Variants in BORCS8 observed in about 807,000 individuals in gnomAD.
BORCS8 encodes the protein BLOC-1 related complex subunit 8.
A neutral mutation model predicts 18.7 loss-of-function variants in BORCS8; 13 were observed. The ratio of observed to expected loss-of-function variants is 0.70; its 90% CI spans 0.45 to 1.11. BORCS8 has a LOEUF of 1.11. Ranked by LOEUF, BORCS8 falls within the 50% of genes least tolerant of loss-of-function variation. The pLI is 0.00. For synonymous variants in BORCS8, 68 were observed against 64.8 expected, an observed-to-expected ratio of 1.05 and a Z score of -0.24; for missense variants, 165 against 165.7, an observed-to-expected ratio of 1.00 and a Z score of 0.02.
chr19:19,184,545 G>A (rs1036030176), intron 3 of BORCS8, among the ~76,000 whole-genome samples: 2 of 151,766 alleles, frequency 1.3e-5, no homozygotes, highest in Admixed American at 1.3e-4. Flanking sequence ...CTCATGATCC[G>A]CCTGCCTTGG....
rs747507127 is a variant in BORCS8, at chr19:19,185,907, C to T, written c.215+127G>A. On this transcript the variant is annotated intron_variant, in intron 3 of 5. Transcript: ENST00000462790. ...GGCCAAGTGAATCGTGGTACAGACC[C>T]CATACACCCACTCGGGTAGGCCTGG... 1.4e-4 allele frequency: 128 copies of T among 926,414 alleles called. 1 individual carries two copies. The Middle Eastern group carries it at 2.0e-3, about 14-fold the overall frequency. 57.4% of individuals were successfully genotyped at this position (926,414 alleles called of 1,614,324 possible).
In BORCS8 at chr19:19,186,053, T is replaced by C; in HGVS notation, c.196A>G (p.Thr66Ala). ...WEEQSQGAIY[T>A]VEYACSAVKN... ...GCTCACCTGCAGGCGTACTCCACAGTGTAGATGGCTCCCTGGCTCTGCTCC... is the reference window on the plus strand; with the variant it reads ...GCTCACCTGCAGGCGTACTCCACAGCGTAGATGGCTCCCTGGCTCTGCTCC... The change falls in exon 3 of 6, where the codon ACT (threonine) becomes GCT (alanine). Residue 66 changes from threonine to alanine, a missense_variant. By Grantham distance (58) the Thr-to-Ala change is moderately conservative. Transcript: ENST00000462790. 6.4e-7 allele frequency: 1 copy of C among 1,551,222 alleles called. No homozygotes were observed. The highest frequency in any genetic ancestry group is 8.7e-7 in the Non-Finnish European group (1 of 1,146,976).
rs2060304665 is a variant in BORCS8 at position 19,177,677 on chromosome 19, G to GGAA, written c.*43-218_*43-217insTTC. 3.4e-5 allele frequency: 3 copies of GGAA among 87,090 alleles called. No homozygotes were observed. In the Admixed American group the frequency reaches 4.4e-4, roughly 13 times the overall value. 5.4% of individuals were successfully genotyped at this position (87,090 alleles called of 1,614,324 possible). A position where few individuals can be genotyped will look rare whatever the true frequency, so the allele number is the denominator to read the frequency against. On this transcript the variant is annotated intron_variant, in intron 5 of 5. Coordinates refer to ENST00000462790, the MANE Select transcript of BORCS8 (RefSeq NM_001145784.2). ...GGAAGGAAGGAAGGAAGGAAGGAAG[G>GGAA]AAGGAAGGAAGGAAGGAAGAGAAAA...
At position 19,192,091 on chromosome 19, in the gene BORCS8, C is replaced by T. The variant is rs886447363; in HGVS notation, c.27G>A (p.Lys9=). 5 of 1,551,358 alleles carry T rather than the reference C, an allele frequency of 3.2e-6. No homozygotes were observed. The Admixed American group carries it at 5.9e-5, about 18-fold the overall frequency. The change falls in exon 1 of 6, where the codon AAG becomes AAA. Residue 9 remains lysine (K), a synonymous_variant. Coordinates refer to ENST00000462790, the MANE Select transcript of BORCS8 (RefSeq NM_001145784.2). The part of the protein sequence containing the change: MEEPEMQL[K]GKKVTDKFTE... The stretch of plus-strand genomic sequence containing the variant: ...GCAGGCCCGCACCACCTTTCTTCCC[C>T]TTGAGCTGCATCTCCGGCTCCTCCA...
At chr19:19,183,625 C>A (rs1037754964) in intron 3 of BORCS8, among the ~76,000 whole-genome samples, 1 of 150,418 alleles carries the variant, frequency 6.6e-6, no homozygotes, top group Non-Finnish European at 1.5e-5. Flanking sequence ...GCTCTTGTTG[C>A]CCAGGCTGGA....
chr19:19,182,371 C>T lies in BORCS8; in HGVS notation c.326+202G>A. On this transcript the variant is annotated intron_variant, in intron 4 of 5. Coordinates refer to ENST00000462790, the MANE Select transcript of BORCS8 (RefSeq NM_001145784.2). This position sits in a 1 kb window ranked among gnomAD's most constrained non-coding sequence, Gnocchi z 4.1. ...CCCCAGTGCCCAGCCCAGGGCCAGG[C>T]ACACAGCAGAGCGCAGGACCTCGGT... is the stretch of plus-strand genomic sequence containing the variant. The T allele has an allele frequency of 7.4e-7, 1 of 1,346,042 alleles. No individual in the cohort carries two copies. Among genetic ancestry groups the T allele is most frequent in the Non-Finnish European group, 9.6e-7 (1 of 1,038,180 alleles). The allele number at this position is 1,346,042 out of a possible 1,614,324, so 83.4% of individuals were successfully genotyped here.
At chr19:19,188,506 C>G (rs1393544673) in intron 1 of BORCS8, among the ~76,000 whole-genome samples, 2 of 152,130 alleles carry the variant, frequency 1.3e-5, no homozygotes, top group African/African-American at 4.8e-5. Context: ...CGGTAGTGGA[C>G]ACTGCTGCCT....
intron 1 of BORCS8, among the ~76,000 whole-genome samples, chr19:19,188,857 CAG>C (rs1472049948): frequency 1.3e-5 from 2 of 151,930 alleles, no homozygotes; most frequent in Non-Finnish European, 2.9e-5. Flanking sequence ...GTTTTTGAGA[CAG>C]AGTCTTGCTC....
intron 3 of BORCS8, among the ~76,000 whole-genome samples, chr19:19,184,367 G>A (rs150127962): frequency 0.011 from 1,564 of 143,614 alleles, 28 homozygotes; most frequent in African/African-American, 0.039. Context: ...GTGCAATGGC[G>A]TGATCTCGGC....
In BORCS8 at chr19:19,177,848, C is replaced by T. The variant is rs996515364; in HGVS notation, c.*43-388G>A. 25 of 154,482 alleles carry T rather than the reference C, an allele frequency of 1.6e-4. 1 individual carries two copies. Among genetic ancestry groups the T allele is most frequent in the Middle Eastern group, 6.6e-3 (2 of 302 alleles). 9.6% of individuals were successfully genotyped at this position (154,482 alleles called of 1,614,324 possible). A position where few individuals can be genotyped will look rare whatever the true frequency, so the allele number is the denominator to read the frequency against. On this transcript the variant is annotated intron_variant, in intron 5 of 5. Transcript: ENST00000462790. ...AGGCAGGGCTGGGACCAAACCAAGC[C>T]GGGCTCTGCTCTTCTCTGACTGTGC...
chr19:19,186,034 C>T lies in BORCS8; in HGVS notation c.215G>A (p.Ser72Asn). Residue 72 changes from serine to asparagine, a missense_variant and splice_region_variant, in exon 3 of 6, where the codon AGC becomes AAC. Ser to Asn is a conservative substitution (Grantham distance 46). Transcript: ENST00000462790. ...GAIYTVEYAC[S>N]AVKNLVDSSV... ...GCAGCGGGGAGGCTGTGGCGCTCAC[C>T]TGCAGGCGTACTCCACAGTGTAGAT... 1 of 1,550,844 alleles carries T rather than the reference C, an allele frequency of 6.4e-7. No individual in the cohort carries two copies. Among genetic ancestry groups the T allele is most frequent in the Non-Finnish European group, 8.7e-7 (1 of 1,146,956 alleles).
intron 1 of BORCS8, among the ~76,000 whole-genome samples, chr19:19,188,402 C>T (rs557199498): frequency 1.9e-4 from 29 of 152,064 alleles, no homozygotes; most frequent in Non-Finnish European, 3.2e-4. Context: ...AAGTGATCCT[C>T]CTGCCTCAGC....
In BORCS8 at chr19:19,192,006, C is replaced by A. The variant is rs1256492657; in HGVS notation, c.37+75G>T. ...AATCACTGCTCCTCGCACGGTCCCTCCGCGCCCGGCCTTTGTCAGGCCGCC... is the reference window on the plus strand; with the variant it reads ...AATCACTGCTCCTCGCACGGTCCCTACGCGCCCGGCCTTTGTCAGGCCGCC... On this transcript the variant is annotated intron_variant, in intron 1 of 5. Coordinates refer to ENST00000462790, the MANE Select transcript of BORCS8 (RefSeq NM_001145784.2). The A allele has an allele frequency of 9.8e-6, 15 of 1,534,674 alleles. 1 individual carries two copies. The highest frequency in any genetic ancestry group is 1.2e-5 in the Non-Finnish European group (14 of 1,132,840).
chr19:19,191,861 C>T (rs147833160), intron 1 of BORCS8, among the ~76,000 whole-genome samples: 54 of 152,340 alleles, frequency 3.5e-4, no homozygotes, highest in African/African-American at 1.2e-3. Flanking sequence ...CCACCACTCC[C>T]AGCCTCAGCT....
chr19:19,187,604 T>A (rs1454832431), intron 1 of BORCS8, among the ~76,000 whole-genome samples: 1 of 150,618 alleles, frequency 6.6e-6, no homozygotes, highest in Non-Finnish European at 1.5e-5. Context: ...AGTGGTGCAA[T>A]CTCGGCTCAC....
At chr19:19,180,911 TG>T (rs2060342427) in intron 4 of BORCS8, 150 bp from the exon 5 acceptor site, 3 of 833,484 alleles carry the variant, frequency 3.6e-6, no homozygotes, top group Admixed American at 3.0e-5. Flanking sequence ...GTGGGATGAG[TG>T]GGCCAGGAAC....
At chr19:19,181,349 A>G (rs1306290984) in intron 4 of BORCS8, among the ~76,000 whole-genome samples, 11 of 151,636 alleles carry the variant, frequency 7.3e-5, no homozygotes, top group African/African-American at 9.7e-5. Flanking sequence ...AAAGAAATAT[A>G]TATGTATGTT....
rs570477818 is a variant in BORCS8, at chr19:19,177,826, C to T, written c.*43-366G>A. 153 of 156,850 alleles carry T rather than the reference C, an allele frequency of 9.8e-4. 4 individuals are homozygous for T. Among genetic ancestry groups the T allele is most frequent in the Admixed American group, 9.3e-3 (143 of 15,370 alleles). 9.7% of individuals were successfully genotyped at this position (156,850 alleles called of 1,614,324 possible). A position where few individuals can be genotyped will look rare whatever the true frequency, so the allele number is the denominator to read the frequency against. On this transcript the variant is annotated intron_variant, in intron 5 of 5. Transcript: ENST00000462790. ...TGTCACACAGCACATCAGAGGCAGG[C>T]AGGGCTGGGACCAAACCAAGCCGGG...
intron 5 of BORCS8, chr19:19,178,597 G>C (rs1026405610): frequency 6.6e-6 from 1 of 152,364 alleles, no homozygotes; most frequent in Non-Finnish European, 1.5e-5. Flanking sequence ...CAGGAGAGGG[G>C]GATGACTTGA....
Sources: gnomAD v4.1 joint callset for allele counts (sites outside exome capture counted in the v4.1 genomes callset) on GRCh38, gnomAD v4.1.1 for gene constraint, Gnocchi (gnomAD v3.1) non-coding constraint, MANE v1.5 for transcripts, NCBI Gene and HGNC (gene_info 2026-07-23, HGNC 2026-07-21) for gene names.